The following ALPL variants were observed in gnomAD, a reference collection of about 807,000 sequenced individuals.
ALPL encodes alkaline phosphatase, biomineralization associated, also known as alkaline phosphatase, tissue-nonspecific isozyme.
In ALPL, 42 loss-of-function variants were observed where a neutral mutation model predicts 51.3. The observed-to-expected ratio is 0.82, with a 90% CI of 0.64 to 1.06. ALPL has a LOEUF of 1.06. Among genes scored for constraint, ALPL ranks in the 50% least tolerant of loss-of-function variants. The pLI is 0.00. For synonymous variants in ALPL, 279 were observed against 296.4 expected (o/e 0.94, Z 0.60); for missense variants, 589 against 709.4 (o/e 0.83, Z 1.93).
At chr1:21,576,064 G>A in intron 10 of ALPL, 140 bp downstream of exon 10, 2 of 1,081,658 alleles carry the variant, frequency 1.8e-6, no homozygotes, top group African/African-American at 1.5e-5. Flanking sequence ...GAGTTACTGG[G>A]GATGGGGAGA....
chr1:21,514,454 C>T (rs1457937260), intron 1 of ALPL, among the ~76,000 whole-genome samples: 1 of 152,218 alleles, frequency 6.6e-6, no homozygotes, highest in Admixed American at 6.5e-5. Flanking sequence ...GCACTCTGAA[C>T]CCACAGCTCT....
intron 1 of ALPL, among the ~76,000 whole-genome samples, chr1:21,549,475 CTTTTTT>C (rs5772952): frequency 6.9e-6 from 1 of 145,530 alleles, no homozygotes; most frequent in African/African-American, 2.5e-5. Flanking sequence ...TTTTCTTTTT[CTTTTTT>C]TTTTTTTTCT....
At chr1:21,567,288 C>T (rs558265535) in intron 6 of ALPL, among the ~76,000 whole-genome samples, 28 of 152,298 alleles carry the variant, frequency 1.8e-4, no homozygotes, top group South Asian at 1.4e-3. Flanking sequence ...TCACCGCAGG[C>T]GGCTGCTGTT....
chr1:21,534,712 G>A (rs1644074884), intron 1 of ALPL, among the ~76,000 whole-genome samples: 1 of 152,182 alleles, frequency 6.6e-6, no homozygotes, highest in South Asian at 2.1e-4. Flanking sequence ...TAGAGTTAGG[G>A]GAGAGGGCAC....
chr1:21,570,271 C>T, intron 7 of ALPL, 34 bp from the exon 8 acceptor site: 3 of 1,609,020 alleles, frequency 1.9e-6, no homozygotes, highest in Non-Finnish European at 2.6e-6. Context: ...TCTCCCTAGC[C>T]CCCGGCATGT....
rs1417175930 is a variant in ALPL at position 21,533,983 on chromosome 1, A to C, written c.-104-19995A>C. Among the ~76,000 whole-genome samples, 5 of 151,508 alleles carry C rather than the reference A, an allele frequency of 3.3e-5. No individual in the cohort carries two copies. The East Asian group carries it at 9.7e-4, about 29-fold the overall frequency. ...AGAAGATTAGACTGGGACTTGGGAG[A>C]TTACCAAATACAGGCAGATGGGAAA... On this transcript the variant is annotated intron_variant, in intron 1 of 11. Coordinates refer to ENST00000374840, the MANE Select transcript of ALPL (RefSeq NM_000478.6).
chr1:21,509,180 G>A (rs1004596768), upstream of ALPL, among the ~76,000 whole-genome samples: 2 of 152,038 alleles, frequency 1.3e-5, no homozygotes, highest in Non-Finnish European at 2.9e-5. This position sits in a 1 kb window ranked among gnomAD's most constrained non-coding sequence, Gnocchi z 6.0. Context: ...GAGACCGAGA[G>A]TGCGGGGCGG....
chr1:21,577,368 T>TC lies in ALPL; in HGVS notation c.1310-11dup. ...CCCTGGCAGGCTCTCAGCAGGTGTT[T>TC]CCCCTGGCCCACAGCTCACAACAAC... On this transcript the variant is annotated splice_polypyrimidine_tract_variant and intron_variant, in intron 11 of 11. Transcript: ENST00000374840. 6.2e-7 allele frequency: 1 copy of TC among 1,613,168 alleles called. No individual in the cohort carries two copies. Among genetic ancestry groups the TC allele is most frequent in the Non-Finnish European group, 8.5e-7 (1 of 1,179,950 alleles).
intron 1 of ALPL, among the ~76,000 whole-genome samples, chr1:21,521,396 G>T (rs1643881840): frequency 6.6e-6 from 1 of 152,114 alleles, no homozygotes; most frequent in Non-Finnish European, 1.5e-5. Flanking sequence ...TGTTGGCCAG[G>T]CTGGTCTCAA....
At chr1:21,552,114 T>TCCCCTCCCCG (rs1244827813) in intron 1 of ALPL, among the ~76,000 whole-genome samples, 1 of 51,442 alleles carries the variant, frequency 1.9e-5, no homozygotes, top group African/African-American at 7.1e-5. Flanking sequence ...TTTCCTCCCC[T>TCCCCTCCCCG]TCCCTTTCCT....
Position 21,560,620 on chromosome 1 carries a change from G to C in ALPL, c.62-6G>C, listed in dbSNP as rs759206704. The C allele has an allele frequency of 2.5e-6, 4 of 1,614,084 alleles. No individual in the cohort carries two copies. In the Admixed American group the frequency reaches 6.7e-5, roughly 27 times the overall value. On this transcript the variant is annotated splice_polypyrimidine_tract_variant and splice_region_variant and intron_variant, in intron 2 of 11. Coordinates refer to ENST00000374840, the MANE Select transcript of ALPL (RefSeq NM_000478.6). ...CCGCCAAGTAACTGCCTCTCTCTGTGTTTAGAGAAAGAGAAAGACCCCAAG... is the reference window on the plus strand; with the variant it reads ...CCGCCAAGTAACTGCCTCTCTCTGTCTTTAGAGAAAGAGAAAGACCCCAAG...
intron 1 of ALPL, among the ~76,000 whole-genome samples, chr1:21,516,172 A>G (rs111330128): frequency 0.13 from 20,224 of 152,152 alleles, 1,539 homozygotes; most frequent in African/African-American, 0.19. Flanking sequence ...GAGCCACTGC[A>G]TCTGGCCAGC....
intron 6 of ALPL, among the ~76,000 whole-genome samples, chr1:21,566,959 T>C (rs187724716): frequency 6.6e-6 from 1 of 152,234 alleles, no homozygotes; most frequent in Admixed American, 6.5e-5. Context: ...CCTTGGTCAG[T>C]AGTCGATAGA....
At position 21,568,327 on chromosome 1, in the gene ALPL, G is replaced by A; in HGVS notation, c.792+80G>A. The A allele has an allele frequency of 8.8e-6, 14 of 1,592,928 alleles. No individual in the cohort carries two copies. The South Asian group carries it at 1.1e-4, about 13-fold the overall frequency. ...TGTGTGACCCCTGCTCTGAAGTTCTGTTGTCCTCTGTAGAAAGGGCATCGG... is the reference window on the plus strand; with the variant it reads ...TGTGTGACCCCTGCTCTGAAGTTCTATTGTCCTCTGTAGAAAGGGCATCGG... On this transcript the variant is annotated intron_variant, in intron 7 of 11. Transcript: ENST00000374840.
At chr1:21,555,568 CG>C (rs1335916930) in intron 2 of ALPL, among the ~76,000 whole-genome samples, 1 of 152,098 alleles carries the variant, frequency 6.6e-6, no homozygotes, top group Admixed American at 6.5e-5. Flanking sequence ...AGGCGTGCGC[CG>C]CAACACCCGG....
chr1:21,515,475 G>A (rs1374784554), intron 1 of ALPL, among the ~76,000 whole-genome samples: 1 of 151,442 alleles, frequency 6.6e-6, no homozygotes, highest in Non-Finnish European at 1.5e-5. Context: ...TACAACCTCC[G>A]CCTCCCGGGT....
In ALPL at chr1:21,575,929, G is replaced by A. The variant is rs1267692647; in HGVS notation, c.1189+5G>A. ...CCCGTGGCAACTCTATCTTTGGTAG[G>A]TGGGCCTTCTTTGGGGTGGACACTC... On this transcript the variant is annotated splice_donor_5th_base_variant and intron_variant, in intron 10 of 11. Coordinates refer to ENST00000374840, the MANE Select transcript of ALPL (RefSeq NM_000478.6). 2 of 1,614,220 alleles carry A rather than the reference G, an allele frequency of 1.2e-6. No individual in the cohort carries two copies. The highest frequency in any genetic ancestry group is 1.7e-6 in the Non-Finnish European group (2 of 1,180,040).
At chr1:21,519,367 C>A (rs764393192) in intron 1 of ALPL, among the ~76,000 whole-genome samples, 1 of 152,244 alleles carries the variant, frequency 6.6e-6, no homozygotes, top group Non-Finnish European at 1.5e-5. Context: ...GTCTTTCTCT[C>A]AGCTTACCAT....
intron 1 of ALPL, among the ~76,000 whole-genome samples, chr1:21,517,279 A>T (rs1558525510): frequency 6.6e-6 from 1 of 152,216 alleles, no homozygotes; most frequent in Non-Finnish European, 1.5e-5. Flanking sequence ...ACCTTATTGT[A>T]TTGAGCTCAT....
Sources: allele counts gnomAD v4.1 joint callset (sites outside exome capture counted in the v4.1 genomes callset), GRCh38; gene constraint gnomAD v4.1.1; non-coding constraint Gnocchi (gnomAD v3.1); transcripts MANE v1.5; gene names NCBI Gene and HGNC (gene_info 2026-07-23, HGNC 2026-07-21).